Variants in DLG2 observed in about 807,000 individuals in gnomAD.
DLG2 encodes disks large homolog 2.
In DLG2, 45 loss-of-function variants were observed where a neutral mutation model predicts 132.5. The observed-to-expected ratio is 0.34, with a 90% CI of 0.27 to 0.44. DLG2 has a LOEUF of 0.44. Ranked by LOEUF, DLG2 falls within the 20% of genes least tolerant of loss-of-function variation. DLG2 has a pLI of 1.00. For synonymous variants in DLG2, 424 were observed against 419.6 expected, an observed-to-expected ratio of 1.01 and a Z score of -0.13; for missense variants, 1,045 against 1,196.9, an observed-to-expected ratio of 0.87 and a Z score of 1.87.
chr11:84,477,468 C>T (rs1466116526), intron 7 of DLG2, among the ~76,000 whole-genome samples: 1 of 151,966 alleles, frequency 6.6e-6, no homozygotes, highest in Non-Finnish European at 1.5e-5. Context: ...GTACTCCAAC[C>T]TGGGCAACAA....
At chr11:84,851,572 TC>T (rs879639350) in intron 6 of DLG2, among the ~76,000 whole-genome samples, 3 of 152,082 alleles carry the variant, frequency 2.0e-5, no homozygotes, top group Non-Finnish European at 4.4e-5. Context: ...AATGCTATTA[TC>T]TTTGTACCAC....
chr11:84,227,963 C>CACA (rs1308532808), intron 8 of DLG2, among the ~76,000 whole-genome samples: 2 of 147,696 alleles, frequency 1.4e-5, no homozygotes, highest in African/African-American at 5.0e-5. Context: ...TATATTTTTT[C>CACA]ACACCACAAA....
At chr11:83,796,327 T>C (rs2042820728) in intron 17 of DLG2, among the ~76,000 whole-genome samples, 1 of 152,214 alleles carries the variant, frequency 6.6e-6, no homozygotes, top group South Asian at 2.1e-4. Context: ...CCAAAACAGT[T>C]CTTTGTGTTG....
chr11:84,308,860 G>A (rs574369159), intron 7 of DLG2, among the ~76,000 whole-genome samples: 3 of 152,274 alleles, frequency 2.0e-5, no homozygotes, highest in South Asian at 2.1e-4. Flanking sequence ...ACGCTCACCC[G>A]GAACTCACGC....
At chr11:84,057,368 C>T (rs1423163228) in intron 11 of DLG2, among the ~76,000 whole-genome samples, 1 of 152,052 alleles carries the variant, frequency 6.6e-6, no homozygotes, top group African/African-American at 2.4e-5. Context: ...TGAATAATTA[C>T]AGTTAATTGA....
At chr11:84,284,537 G>C (rs561695980) in intron 7 of DLG2, among the ~76,000 whole-genome samples, 1 of 152,198 alleles carries the variant, frequency 6.6e-6, no homozygotes, top group Non-Finnish European at 1.5e-5. Context: ...GAAAACAAGA[G>C]ACCTGAGAGA....
intron 6 of DLG2, among the ~76,000 whole-genome samples, chr11:84,805,687 A>G (rs534037616): frequency 6.6e-6 from 1 of 152,288 alleles, no homozygotes; most frequent in South Asian, 2.1e-4. Flanking sequence ...AGTGATTGTA[A>G]TTACTGGCTC....
intron 17 of DLG2, among the ~76,000 whole-genome samples, chr11:83,794,471 T>G (rs2042319387): frequency 7.0e-6 from 1 of 142,180 alleles, no homozygotes; most frequent in Non-Finnish European, 1.5e-5. Context: ...TTTGCTTCAG[T>G]TTGAACTTTT....
At chr11:84,639,336 G>T (rs143372767) in intron 6 of DLG2, among the ~76,000 whole-genome samples, 6 of 140,768 alleles carry the variant, frequency 4.3e-5, no homozygotes, top group African/African-American at 1.4e-4. Context: ...GCAGCATATT[G>T]CAGATATCTG....
intron 11 of DLG2, among the ~76,000 whole-genome samples, chr11:84,032,870 A>T (rs2095744400): frequency 6.6e-6 from 1 of 152,130 alleles, no homozygotes; most frequent in Non-Finnish European, 1.5e-5. Context: ...ATTATGCTAA[A>T]TCTACTCTGC....
intron 6 of DLG2, among the ~76,000 whole-genome samples, chr11:85,027,641 A>C (rs1473333798): frequency 1.3e-5 from 2 of 152,240 alleles, no homozygotes; most frequent in Admixed American, 6.5e-5. Context: ...GGCAAGGCAG[A>C]CAGCTCCAGG....
At chr11:84,095,652 T>A (rs2097155555) in intron 10 of DLG2, among the ~76,000 whole-genome samples, 2 of 152,166 alleles carry the variant, frequency 1.3e-5, no homozygotes, top group Admixed American at 1.3e-4. Flanking sequence ...TTTAGTTAAA[T>A]AGGATCCCCA....
chr11:83,597,786 A>AAAAC (rs56172449), intron 19 of DLG2, among the ~76,000 whole-genome samples: 7,144 of 150,904 alleles, frequency 0.047, 271 homozygotes, highest in African/African-American at 0.091. Flanking sequence ...TCCCTGTCTC[A>AAAAC]AAACAAACAA....
At chr11:84,587,680 G>A (rs1283926380) in intron 6 of DLG2, among the ~76,000 whole-genome samples, 1 of 152,030 alleles carries the variant, frequency 6.6e-6, no homozygotes, top group Non-Finnish European at 1.5e-5. Flanking sequence ...TAGTGGGCAG[G>A]TTTATTCCTT....
At chr11:84,793,470 G>A (rs1040237819) in intron 6 of DLG2, among the ~76,000 whole-genome samples, 2 of 152,048 alleles carry the variant, frequency 1.3e-5, no homozygotes, top group African/African-American at 4.8e-5. Flanking sequence ...TTTCTTTCTG[G>A]GAGATCTGTC....
intron 7 of DLG2, among the ~76,000 whole-genome samples, chr11:84,455,822 A>G (rs1375687241): frequency 6.6e-6 from 1 of 151,338 alleles, no homozygotes; most frequent in South Asian, 2.1e-4. Flanking sequence ...ATCATCTAAG[A>G]AAGTCTTTTC....
intron 5 of DLG2, among the ~76,000 whole-genome samples, chr11:85,149,132 T>C (rs574780732): frequency 6.6e-4 from 101 of 152,328 alleles, no homozygotes; most frequent in African/African-American, 2.4e-3. Context: ...ACCAGTACCA[T>C]GCTGTTTTGG....
chr11:84,260,824 T>A (rs1485398571), intron 7 of DLG2, among the ~76,000 whole-genome samples: 1 of 152,236 alleles, frequency 6.6e-6, no homozygotes, highest in African/African-American at 2.4e-5. Flanking sequence ...TAGGCCATAA[T>A]GCCTCAAACC....
At chr11:85,301,422 T>G (rs769762608) in intron 3 of DLG2, among the ~76,000 whole-genome samples, 5 of 152,082 alleles carry the variant, frequency 3.3e-5, no homozygotes, top group Non-Finnish European at 5.9e-5. Context: ...AATGGATGGA[T>G]GTGTAAAGCA....
Sources: allele counts gnomAD v4.1 joint callset (sites outside exome capture counted in the v4.1 genomes callset), GRCh38; gene constraint gnomAD v4.1.1; transcripts MANE v1.5; gene names NCBI Gene and HGNC (gene_info 2026-07-23, HGNC 2026-07-21).